ZFP64: variants seen among roughly 807,000 people sequenced by gnomAD.
ZFP64 encodes the protein ZFP64 zinc finger protein, also known as zinc finger protein 64.
Under a neutral mutation model 51.6 loss-of-function variants are expected in ZFP64, and 14 were observed. The observed-to-expected ratio is 0.27, with a 90% CI of 0.18 to 0.42. The LOEUF (loss-of-function observed/expected upper bound fraction) is 0.42, where lower values mean the gene tolerates loss of function less well. Among genes scored for constraint, ZFP64 ranks in the 10% least tolerant of loss-of-function variants. The pLI is 1.00. For missense variants in ZFP64, 754 were observed against 906.8 expected (o/e 0.83, Z 2.16); for synonymous variants, 375 against 361.4 (o/e 1.04, Z -0.43).
intron 5 of ZFP64, among the ~76,000 whole-genome samples, chr20:52,155,886 T>C (rs534874571): frequency 1.7e-3 from 266 of 152,292 alleles, no homozygotes; most frequent in Admixed American, 4.0e-3. Context: ...ATGTAGTCTA[T>C]CCAATTGCCG....
chr20:52,094,688 G>A (rs945585294), intron 7 of ZFP64, among the ~76,000 whole-genome samples: 1 of 152,110 alleles, frequency 6.6e-6, no homozygotes, highest in African/African-American at 2.4e-5. Context: ...GAACCTGATT[G>A]CACTACTGCA....
At position 52,115,060 on chromosome 20, in the gene ZFP64, C is replaced by G. The variant is rs550085677; in HGVS notation, c.764-16473G>C. Among the ~76,000 whole-genome samples, 10 of 152,014 alleles carry G rather than the reference C, an allele frequency of 6.6e-5. No homozygotes were observed. The South Asian group carries it at 2.1e-3, about 32-fold the overall frequency. On this transcript the variant is annotated intron_variant, in intron 5 of 8. Coordinates refer to the ZFP64 transcript ENST00000361387. ...AAAATACAAAAACAAAAAAAATTAG[C>G]CAGGTATGGTGGTGGGCGCCTGTAG... is the stretch of plus-strand genomic sequence containing the variant.
At chr20:52,158,421 T>C (rs1018846247) in intron 5 of ZFP64, among the ~76,000 whole-genome samples, 1 of 152,152 alleles carries the variant, frequency 6.6e-6, no homozygotes, top group Non-Finnish European at 1.5e-5. Context: ...ATGGTCCCAA[T>C]TCAGCCCAGC....
chr20:52,156,069 T>C (rs6021753), intron 5 of ZFP64, among the ~76,000 whole-genome samples: 5,165 of 152,316 alleles, frequency 0.034, 284 homozygotes, highest in African/African-American at 0.12. Flanking sequence ...AGTAACTTCA[T>C]CCTTATCAAT....
chr20:52,182,907 T>C (rs1983711443), intron 2 of ZFP64, among the ~76,000 whole-genome samples: 1 of 152,144 alleles, frequency 6.6e-6, no homozygotes, highest in Non-Finnish European at 1.5e-5. Flanking sequence ...GTGATGGAGA[T>C]ACACCTTAAA....
At chr20:52,113,084 C>T (rs1339217418) in intron 5 of ZFP64, among the ~76,000 whole-genome samples, 1 of 152,076 alleles carries the variant, frequency 6.6e-6, no homozygotes, top group Non-Finnish European at 1.5e-5. Context: ...CCTGTAATCC[C>T]AGCACTTTGG....
At chr20:52,116,902 T>C (rs1198563137) in intron 5 of ZFP64, among the ~76,000 whole-genome samples, 1 of 152,120 alleles carries the variant, frequency 6.6e-6, no homozygotes, top group Non-Finnish European at 1.5e-5. Context: ...AAACCCTGCC[T>C]CTACTAAAAA....
At chr20:52,095,144 G>C (rs6021701) in intron 7 of ZFP64, among the ~76,000 whole-genome samples, 96,841 of 152,182 alleles carry the variant, frequency 0.64, 32,390 homozygotes, top group African/African-American at 0.85. Flanking sequence ...AGAGACACAC[G>C]CTGACCTTTC....
At chr20:52,084,292 G>C in exon 9 of ZFP64, 1 of 493,194 alleles carries the variant, frequency 2.0e-6, no homozygotes. Flanking sequence ...AGCAGGGCTT[G>C]GCAGACCCCG....
chr20:52,142,839 CAAAAA>C lies in ZFP64; in HGVS notation c.763+17279_763+17283del, dbSNP rs386393987. 4.2e-4 allele frequency among the ~76,000 whole-genome samples: 23 copies of C among 55,064 alleles called. 2 individuals are homozygous for C. Among genetic ancestry groups the C allele is most frequent in the East Asian group, 3.2e-3 (3 of 950 alleles). The allele number at this position is 55,064 out of a possible 152,430, so 36.1% of individuals were successfully genotyped here. A position where few individuals can be genotyped will look rare whatever the true frequency, so the allele number is the denominator to read the frequency against. On this transcript the variant is annotated intron_variant, in intron 5 of 8. Transcript: ENST00000361387. ...TGGGCGACAGAGTGAGACTCCATCT[CAAAAA>C]AAAAAAAAAAAAAAGCAAAAAAGAG...
At chr20:52,101,983 G>T (rs1202357404) in intron 5 of ZFP64, among the ~76,000 whole-genome samples, 2 of 147,918 alleles carry the variant, frequency 1.4e-5, no homozygotes, top group Non-Finnish European at 3.0e-5. Flanking sequence ...GTGGTGGCAT[G>T]TGCCTGTAAT....
chr20:52,114,789 T>C (rs1978773814), intron 5 of ZFP64, among the ~76,000 whole-genome samples: 1 of 152,150 alleles, frequency 6.6e-6, no homozygotes, highest in Non-Finnish European at 1.5e-5. Context: ...CAAGGGAGAA[T>C]GTCCAAGAAT....
chr20:52,110,995 A>G (rs1399455087), intron 5 of ZFP64: 29 of 1,503,090 alleles, frequency 1.9e-5, no homozygotes, highest in Non-Finnish European at 2.4e-5. Context: ...GACCTTGTAG[A>G]AAGTGACCGT....
intron 2 of ZFP64, among the ~76,000 whole-genome samples, chr20:52,172,103 G>C (rs1024060404): frequency 6.6e-6 from 1 of 152,188 alleles, no homozygotes; most frequent in Admixed American, 6.5e-5. Flanking sequence ...CCAGGTGAGT[G>C]TATGTGTGTG....
At chr20:52,088,162 C>T (rs1473752811) in intron 8 of ZFP64, 11 of 629,340 alleles carry the variant, frequency 1.7e-5, no homozygotes, top group Non-Finnish European at 2.9e-5. Context: ...TATCTACTCC[C>T]AGCTGGATTC....
intron 5 of ZFP64, among the ~76,000 whole-genome samples, chr20:52,112,946 A>T (rs1047885457): frequency 6.6e-6 from 1 of 152,034 alleles, no homozygotes; most frequent in Admixed American, 6.6e-5. Context: ...TCTTCATTAA[A>T]CTTGTATCAT....
At chr20:52,106,263 C>A (rs774172447) in intron 5 of ZFP64, among the ~76,000 whole-genome samples, 1 of 152,180 alleles carries the variant, frequency 6.6e-6, no homozygotes. Context: ...CCCCTCCTTG[C>A]GCCGCGTAAT....
chr20:52,131,819 A>C (rs1266060498), intron 5 of ZFP64, among the ~76,000 whole-genome samples: 1 of 152,228 alleles, frequency 6.6e-6, no homozygotes, highest in Non-Finnish European at 1.5e-5. Context: ...TCTTCCCGAC[A>C]GAAAATCAAC....
chr20:52,188,919 T>C (rs778321787), intron 1 of ZFP64, among the ~76,000 whole-genome samples: 21 of 151,502 alleles, frequency 1.4e-4, no homozygotes, highest in Non-Finnish European at 4.4e-5. Flanking sequence ...CAGGTTGCAG[T>C]GAGCTGAGAT....
Sources: allele counts gnomAD v4.1 joint callset (sites outside exome capture counted in the v4.1 genomes callset), GRCh38; gene constraint gnomAD v4.1.1; transcripts MANE v1.5; gene names NCBI Gene and HGNC (gene_info 2026-07-23, HGNC 2026-07-21).